The following TMEFF2 variants were observed in gnomAD, a reference collection of about 807,000 sequenced individuals.
TMEFF2 encodes tomoregulin-2.
A neutral mutation model predicts 53.8 loss-of-function variants in TMEFF2; 28 were observed. The observed-to-expected ratio is 0.52, with a 90% CI of 0.39 to 0.71. TMEFF2 has a LOEUF of 0.71. Ranked by LOEUF, TMEFF2 falls within the 30% of genes least tolerant of loss-of-function variation. TMEFF2 has a pLI of 0.00. For synonymous variants in TMEFF2, 162 were observed against 166.3 expected (o/e 0.97, Z 0.20); for missense variants, 353 against 455.2 (o/e 0.78, Z 2.04).
At chr2:191,960,073 A>T (rs1692229059) in intron 7 of TMEFF2, among the ~76,000 whole-genome samples, 2 of 152,012 alleles carry the variant, frequency 1.3e-5, no homozygotes, top group Admixed American at 1.3e-4. Flanking sequence ...GGGGTTTTCC[A>T]TGTTGGCCAG....
At chr2:192,043,252 C>A (rs952751844) in intron 5 of TMEFF2, among the ~76,000 whole-genome samples, 1 of 152,136 alleles carries the variant, frequency 6.6e-6, no homozygotes, top group East Asian at 1.9e-4. Context: ...AAACAAAAGT[C>A]TAGCCTACAT....
intron 4 of TMEFF2, among the ~76,000 whole-genome samples, chr2:192,059,585 G>T (rs1233108244): frequency 6.6e-6 from 1 of 152,154 alleles, no homozygotes; most frequent in Non-Finnish European, 1.5e-5. Flanking sequence ...CAATGGCAAG[G>T]ACCTTAATGA....
chr2:192,055,282 T>G (rs781240232), intron 5 of TMEFF2, among the ~76,000 whole-genome samples: 190 of 152,332 alleles, frequency 1.2e-3, no homozygotes, highest in Non-Finnish European at 2.1e-3. Context: ...TAGAGTAGTA[T>G]TTCCATAATC....
chr2:192,003,941 C>T (rs1299082834), intron 5 of TMEFF2, among the ~76,000 whole-genome samples: 2 of 138,904 alleles, frequency 1.4e-5, no homozygotes, highest in Admixed American at 1.5e-4. Flanking sequence ...GGGGGGGGCT[C>T]ACACTCACCT....
chr2:191,969,131 G>GTATCTATA (rs1439469958), intron 7 of TMEFF2, among the ~76,000 whole-genome samples: 1 of 103,642 alleles, frequency 9.6e-6, no homozygotes, highest in African/African-American at 3.7e-5. Context: ...GTGTATGTGT[G>GTATCTATA]TGTGTATCTA....
At chr2:192,075,308 T>TATATATATATATATAAATATAA (rs1559115124) in intron 4 of TMEFF2, among the ~76,000 whole-genome samples, 2 of 67,946 alleles carry the variant, frequency 2.9e-5, no homozygotes, top group Admixed American at 1.7e-4. Context: ...TATATATATA[T>TATATATATATATATAAATATAA]ATATATATAT....
chr2:192,070,035 T>C (rs1688259439), intron 4 of TMEFF2, among the ~76,000 whole-genome samples: 1 of 84,044 alleles, frequency 1.2e-5, no homozygotes, highest in South Asian at 4.5e-4. Flanking sequence ...TATATATATA[T>C]ATATATATGT....
At chr2:192,030,320 A>G (rs1657592336) in intron 5 of TMEFF2, 2 of 152,178 alleles carry the variant, frequency 1.3e-5, no homozygotes, top group African/African-American at 4.8e-5. Context: ...CTTTCCCATG[A>G]TTGCTATAAG....
chr2:192,171,017 AG>A (rs1690899486), intron 4 of TMEFF2, among the ~76,000 whole-genome samples: 1 of 152,124 alleles, frequency 6.6e-6, no homozygotes, highest in Non-Finnish European at 1.5e-5. Context: ...TGAAAGAAAA[AG>A]CTGTATTTTC....
chr2:191,961,958 C>G (rs990181852), intron 7 of TMEFF2, among the ~76,000 whole-genome samples: 1 of 152,028 alleles, frequency 6.6e-6, no homozygotes, highest in Non-Finnish European at 1.5e-5. Flanking sequence ...GACACAGACT[C>G]AAATAAAAAT....
intron 5 of TMEFF2, chr2:192,036,986 A>G (rs1687309681): frequency 6.6e-6 from 1 of 152,058 alleles, no homozygotes; most frequent in Admixed American, 6.6e-5. Context: ...TTTATTGTCT[A>G]TTCCATCTCA....
intron 7 of TMEFF2, among the ~76,000 whole-genome samples, chr2:191,991,554 C>A (rs188523865): frequency 1.3e-5 from 2 of 152,028 alleles, no homozygotes; most frequent in Non-Finnish European, 2.9e-5. Flanking sequence ...AGAAACCGAG[C>A]CTTCAACTAA....
chr2:192,029,050 C>T (rs977656803), intron 5 of TMEFF2: 1 of 152,074 alleles, frequency 6.6e-6, no homozygotes, highest in Non-Finnish European at 1.5e-5. Flanking sequence ...AAATAACAGG[C>T]CACAATGATG....
At chr2:192,005,642 G>T (rs1686482457) in intron 5 of TMEFF2, among the ~76,000 whole-genome samples, 1 of 152,048 alleles carries the variant, frequency 6.6e-6, no homozygotes, top group African/African-American at 2.4e-5. Context: ...CTTAACTGTG[G>T]TTTTTTTGTT....
intron 5 of TMEFF2, among the ~76,000 whole-genome samples, chr2:192,053,225 C>G (rs1687816504): frequency 6.6e-6 from 1 of 152,040 alleles, no homozygotes. Flanking sequence ...TTCTTTTATT[C>G]TCCTTCTCTT....
intron 5 of TMEFF2, among the ~76,000 whole-genome samples, chr2:192,040,408 A>G (rs1317022256): frequency 6.6e-6 from 1 of 152,168 alleles, no homozygotes; most frequent in East Asian, 1.9e-4. Flanking sequence ...AGCTGCTTCA[A>G]ATCCTTTGAA....
chr2:192,115,919 T>C (rs1422196614), intron 4 of TMEFF2, among the ~76,000 whole-genome samples: 2 of 151,852 alleles, frequency 1.3e-5, no homozygotes, highest in African/African-American at 4.8e-5. Context: ...TATGGAAAAA[T>C]AGTATGGTGG....
At chr2:191,996,145 G>A (rs1043587024) in intron 7 of TMEFF2, among the ~76,000 whole-genome samples, 2 of 151,822 alleles carry the variant, frequency 1.3e-5, no homozygotes, top group African/African-American at 4.8e-5. Flanking sequence ...CTTTGAAATG[G>A]GCAAAATGTT....
Position 192,193,851 on chromosome 2 carries a change from G to C in TMEFF2, c.172+502C>G, listed in dbSNP as rs565348568. On this transcript the variant is annotated intron_variant, in intron 1 of 9. Coordinates refer to ENST00000272771, the MANE Select transcript of TMEFF2 (RefSeq NM_016192.4). ...GCTCCTCTAGAATCTGTGTGACCTG[G>C]TCTTCAACGGGAGACCAGTGCGACC... Among the ~76,000 whole-genome samples the C allele has an allele frequency of 1.5e-4, 23 of 151,728 alleles. No homozygotes were observed. The South Asian group carries it at 4.6e-3, about 30-fold the overall frequency.
Sources: gnomAD v4.1 joint callset for allele counts (sites outside exome capture counted in the v4.1 genomes callset) on GRCh38, gnomAD v4.1.1 for gene constraint, MANE v1.5 for transcripts, NCBI Gene and HGNC (gene_info 2026-07-23, HGNC 2026-07-21) for gene names.